PCDHA10: variants seen among roughly 807,000 people sequenced by gnomAD.
PCDHA10 encodes protocadherin alpha 10, also known as protocadherin alpha-10.
Under a neutral mutation model 61.2 loss-of-function variants are expected in PCDHA10, and 45 were observed. The ratio of observed to expected loss-of-function variants is 0.74; its 90% CI spans 0.58 to 0.94. The LOEUF (loss-of-function observed/expected upper bound fraction) is 0.94. PCDHA10 is among the 40% of genes least tolerant of loss of function. The pLI, the probability that PCDHA10 is intolerant of heterozygous loss-of-function variation, is 0.00. For missense variants in PCDHA10, 1,278 were observed against 1,236.2 expected, an observed-to-expected ratio of 1.03 and a Z score of -0.51; for synonymous variants, 602 against 548.8, an observed-to-expected ratio of 1.10 and a Z score of -1.35.
At chr5:140,871,783 G>C (rs1460496699) in intron 1 of PCDHA10, among the ~76,000 whole-genome samples, 3 of 152,196 alleles carry the variant, frequency 2.0e-5, no homozygotes, top group African/African-American at 7.2e-5. Flanking sequence ...GTAGTCACTT[G>C]AGTAGAAATA....
intron 3 of PCDHA10, among the ~76,000 whole-genome samples, chr5:141,000,421 ATTTT>A (rs34755515): frequency 0.018 from 509 of 27,798 alleles, 2 homozygotes; most frequent in African/African-American, 0.027. Context: ...ATATATATAT[ATTTT>A]TTTTTTTTTT....
intron 3 of PCDHA10, among the ~76,000 whole-genome samples, chr5:141,001,477 A>T (rs2098020508): frequency 6.6e-6 from 1 of 152,176 alleles, no homozygotes; most frequent in South Asian, 2.1e-4. Flanking sequence ...AGCAGCGGGG[A>T]AGTGCTGGAA....
intron 1 of PCDHA10, chr5:140,877,364 T>A: frequency 6.2e-7 from 1 of 1,613,948 alleles, no homozygotes; most frequent in Non-Finnish European, 8.5e-7. Context: ...ACTGGCGAGA[T>A]CAGCACGACA....
intron 1 of PCDHA10, chr5:140,859,685 A>AT (rs1250609126): frequency 6.5e-6 from 1 of 154,692 alleles, no homozygotes; most frequent in Admixed American, 6.4e-5. Context: ...TAAAATTAAA[A>AT]TTATTGTTCA....
At chr5:140,864,577 A>G (rs1554158987) in intron 1 of PCDHA10, 2 of 152,198 alleles carry the variant, frequency 1.3e-5, no homozygotes, top group African/African-American at 4.8e-5. Context: ...TTGTCTTCAC[A>G]ATCTTCAACT....
chr5:140,921,932 T>C (rs1249285993), intron 1 of PCDHA10, among the ~76,000 whole-genome samples: 1 of 152,080 alleles, frequency 6.6e-6, no homozygotes, highest in Non-Finnish European at 1.5e-5. Context: ...ATAGTCAATA[T>C]AATTTTACAC....
At chr5:140,870,424 T>C (rs782689834) in intron 1 of PCDHA10, 6 of 1,614,156 alleles carry the variant, frequency 3.7e-6, no homozygotes, top group Non-Finnish European at 5.1e-6. Flanking sequence ...GGCCAGGGTA[T>C]CCGTGGAGGT....
At chr5:140,990,737 C>T (rs2097410697) in intron 3 of PCDHA10, among the ~76,000 whole-genome samples, 1 of 152,162 alleles carries the variant, frequency 6.6e-6, no homozygotes, top group African/African-American at 2.4e-5. Context: ...ATCAACAGCC[C>T]TAGGGTGGAT....
chr5:141,002,877 A>G (rs989540490), intron 3 of PCDHA10, among the ~76,000 whole-genome samples: 1 of 152,252 alleles, frequency 6.6e-6, no homozygotes, highest in Non-Finnish European at 1.5e-5. Context: ...CCTCAAGAAC[A>G]GAAAGAGAAC....
chr5:140,976,546 A>G (rs2096722070), intron 1 of PCDHA10, among the ~76,000 whole-genome samples: 1 of 152,086 alleles, frequency 6.6e-6, no homozygotes, highest in Non-Finnish European at 1.5e-5. Context: ...GTAAGACCCT[A>G]TCTCATAAAT....
At chr5:140,969,608 CAG>C in intron 1 of PCDHA10, 1 of 747,330 alleles carries the variant, frequency 1.3e-6, no homozygotes, top group South Asian at 2.1e-5. Flanking sequence ...TGCTAAAACA[CAG>C]ATTTGTAGAG....
rs574855184 is a variant in PCDHA10 at position 140,890,340 on chromosome 5, G to C, written c.2388+31904G>C. ...TTTAAGATATTAGGTAGTTGGGATG[G>C]TTTACTATATAGCAATGGATAACCT... On this transcript the variant is annotated intron_variant, in intron 1 of 3. Coordinates refer to ENST00000307360, the MANE Select transcript of PCDHA10 (RefSeq NM_018901.4). 9.1e-4 allele frequency among the ~76,000 whole-genome samples: 139 copies of C among 152,222 alleles called. 2 individuals are homozygous for C. The Middle Eastern group carries it at 0.017, about 19-fold the overall frequency.
At chr5:140,870,461 C>T (rs1554164294) in intron 1 of PCDHA10, 1 of 1,614,246 alleles carries the variant, frequency 6.2e-7, no homozygotes, top group Non-Finnish European at 8.5e-7. Context: ...AATGCGCCTG[C>T]GTTCGCACAG....
chr5:140,863,793 G>A (rs2048183012), intron 1 of PCDHA10: 1 of 216,012 alleles, frequency 4.6e-6, no homozygotes, highest in East Asian at 1.1e-4. Flanking sequence ...GAGGCCAGGA[G>A]TTTGAGACCA....
intron 1 of PCDHA10, among the ~76,000 whole-genome samples, chr5:140,898,621 C>T (rs1356286726): frequency 8.5e-5 from 13 of 152,312 alleles, no homozygotes; most frequent in African/African-American, 2.6e-4. Flanking sequence ...AGTCAGGTAG[C>T]ATAATGCCTC....
At chr5:140,998,721 C>G (rs987484967) in intron 3 of PCDHA10, among the ~76,000 whole-genome samples, 1 of 152,084 alleles carries the variant, frequency 6.6e-6, no homozygotes, top group Non-Finnish European at 1.5e-5. Context: ...TGCACCACCA[C>G]GCTAGGCTAA....
chr5:140,980,395 G>T (rs182782153), intron 2 of PCDHA10, among the ~76,000 whole-genome samples: 4 of 152,316 alleles, frequency 2.6e-5, no homozygotes, highest in Non-Finnish European at 5.9e-5. Context: ...ACTTTGGGAG[G>T]CCGAGGTGGG....
intron 1 of PCDHA10, chr5:140,882,210 CAGTTTG>C (rs1332497676): frequency 6.5e-7 from 1 of 1,533,604 alleles, no homozygotes; most frequent in African/African-American, 1.4e-5. Flanking sequence ...CCTTGAGAGA[CAGTTTG>C]AGGTAAGGCG....
At chr5:140,998,273 A>G (rs1448303020) in intron 3 of PCDHA10, among the ~76,000 whole-genome samples, 1 of 152,216 alleles carries the variant, frequency 6.6e-6, no homozygotes, top group East Asian at 1.9e-4. Context: ...ACTGACACCC[A>G]TAGGATTAAA....
Sources: gnomAD v4.1 joint callset for allele counts (sites outside exome capture counted in the v4.1 genomes callset) on GRCh38, gnomAD v4.1.1 for gene constraint, MANE v1.5 for transcripts, NCBI Gene and HGNC (gene_info 2026-07-23, HGNC 2026-07-21) for gene names.